Variants in SRSF3 observed in about 807,000 individuals in gnomAD.
SRSF3 encodes the protein serine and arginine rich splicing factor 3, also known as serine/arginine-rich splicing factor 3.
For missense variants in SRSF3, 58 were observed against 217.1 expected, an observed-to-expected ratio of 0.27 and a Z score of 4.61; for synonymous variants, 87 against 73.6, an observed-to-expected ratio of 1.18 and a Z score of -0.93.
chr6:36,597,051 G>C, intron 2 of SRSF3, 83 bp downstream of exon 2: 1 of 1,242,386 alleles, frequency 8.0e-7, no homozygotes, highest in Non-Finnish European at 1.2e-6. Flanking sequence ...CTCTTAGATG[G>C]CTTTCCCAAT....
chr6:36,595,854 C>G (rs1039447614), intron 1 of SRSF3, among the ~76,000 whole-genome samples: 1 of 152,190 alleles, frequency 6.6e-6, no homozygotes, highest in Non-Finnish European at 1.5e-5. Flanking sequence ...TCTGGTCTAT[C>G]TAATGACATT....
chr6:36,601,623 C>T (rs1042386623), intron 4 of SRSF3, 85 bp from the exon 5 acceptor site: 5 of 1,271,492 alleles, frequency 3.9e-6, no homozygotes, highest in African/African-American at 1.5e-5. Context: ...GAATTATTGG[C>T]ATGAGTCACC....
At chr6:36,601,656 A>T in intron 4 of SRSF3, 52 bp from the exon 5 acceptor site, 1 of 1,474,308 alleles carries the variant, frequency 6.8e-7, no homozygotes, top group Non-Finnish European at 9.3e-7. Context: ...GAAAATATTT[A>T]TGTATAATTT....
chr6:36,604,097 T>C lies in SRSF3; in HGVS notation c.*2108T>C, dbSNP rs367996522. On this transcript the variant is annotated 3_prime_UTR_variant, in exon 6 of 6. Coordinates refer to ENST00000373715, the MANE Select transcript of SRSF3 (RefSeq NM_003017.5). ...AAAAGCTTTGAATTGCACATTTAGA[T>C]TGTGGCTATTAGGAATTTTTAAAGT... 59 of 225,566 alleles carry C rather than the reference T, an allele frequency of 2.6e-4. No homozygotes were observed. In the South Asian group the frequency reaches 6.0e-3, roughly 23 times the overall value. 14.0% of individuals were successfully genotyped at this position (225,566 alleles called of 1,614,324 possible).
intron 3 of SRSF3, 82 bp from the exon 4 acceptor site, chr6:36,601,070 A>C: frequency 8.7e-7 from 1 of 1,155,836 alleles, no homozygotes; most frequent in Non-Finnish European, 1.2e-6. Flanking sequence ...TGGGCCCAAC[A>C]GTGAGATTGA....
intron 3 of SRSF3, 139 bp from the exon 4 acceptor site, chr6:36,601,013 T>C (rs1582513892): frequency 6.4e-6 from 2 of 312,994 alleles, no homozygotes; most frequent in Non-Finnish European, 1.1e-5. Flanking sequence ...TTTTTTTTTT[T>C]TTTTTTTTTT....
chr6:36,601,630 C>T, intron 4 of SRSF3, 78 bp from the exon 5 acceptor site: 3 of 1,324,832 alleles, frequency 2.3e-6, no homozygotes, highest in South Asian at 1.3e-5. Context: ...TGGCATGAGT[C>T]ACCATGCCAG....
At position 36,601,940 on chromosome 6, in the gene SRSF3, C is replaced by CTTTTTTTT. The variant is rs778276944; in HGVS notation, c.468-10_468-3dup. 1,443 of 1,430,506 alleles carry CTTTTTTTT rather than the reference C, an allele frequency of 1.0e-3. 8 individuals carry two copies. The highest frequency in any genetic ancestry group is 2.2e-3 in the Admixed American group (85 of 38,206). 88.6% of individuals were successfully genotyped at this position (1,430,506 alleles called of 1,614,324 possible). On this transcript the variant is annotated intron_variant, in intron 5 of 5. Transcript: ENST00000373715. Reference sequence around the variant, plus strand: ...AGTTACAGATGTAATGTTTTGTTTTCTTTTTTTTTTTTTTTTTTTAGTCGA... The same window carrying CTTTTTTTT: ...AGTTACAGATGTAATGTTTTGTTTTCTTTTTTTTTTTTTTTTTTTTTTTTTTTAGTCGA...
Position 36,603,448 on chromosome 6 carries a change from C to T in SRSF3, c.*1459C>T. 4.5e-6 allele frequency: 1 copy of T among 223,614 alleles called. No homozygotes were observed. The highest frequency in any genetic ancestry group is 8.9e-6 in the Non-Finnish European group (1 of 111,942). 13.9% of individuals were successfully genotyped at this position (223,614 alleles called of 1,614,324 possible). On this transcript the variant is annotated 3_prime_UTR_variant, in exon 6 of 6. Coordinates refer to ENST00000373715, the MANE Select transcript of SRSF3 (RefSeq NM_003017.5). Reference sequence around the variant, plus strand: ...TGCAACAGTCTTGTGGCTTAGTTTCCTTAAATATGCTCTTAAGATAGTTTT... The same window carrying T: ...TGCAACAGTCTTGTGGCTTAGTTTCTTTAAATATGCTCTTAAGATAGTTTT...
chr6:36,600,850 A>G (rs1270802254), intron 3 of SRSF3: 1 of 249,868 alleles, frequency 4.0e-6, no homozygotes, highest in Non-Finnish European at 7.5e-6. Flanking sequence ...GTGTTTGGGT[A>G]GTGAAGTTAG....
chr6:36,596,335 C>T (rs574896768), intron 1 of SRSF3, among the ~76,000 whole-genome samples: 1 of 152,186 alleles, frequency 6.6e-6, no homozygotes, highest in South Asian at 2.1e-4. Context: ...ACCTTAAGGA[C>T]TAGCTTTCTT....
chr6:36,603,086 T>G lies in SRSF3; in HGVS notation c.*1097T>G, dbSNP rs1778746752. 1 of 221,870 alleles carries G rather than the reference T, an allele frequency of 4.5e-6. No individual in the cohort carries two copies. The highest frequency in any genetic ancestry group is 9.0e-6 in the Non-Finnish European group (1 of 110,750). The allele number at this position is 221,870 out of a possible 1,614,324, so 13.7% of individuals were successfully genotyped here. A position where few individuals can be genotyped will look rare whatever the true frequency, so the allele number is the denominator to read the frequency against. On this transcript the variant is annotated 3_prime_UTR_variant, in exon 6 of 6. Coordinates refer to ENST00000373715, the MANE Select transcript of SRSF3 (RefSeq NM_003017.5). ...AGTGATAGTTAACCCATTTTTTTTT[T>G]TTTTAGGCATAGAAGCCAGTTCAGG...
At chr6:36,601,380 T>C (rs1778713435) in intron 4 of SRSF3, 190 bp downstream of exon 4, 1 of 638,116 alleles carries the variant, frequency 1.6e-6, no homozygotes, top group African/African-American at 1.8e-5. Context: ...TAAAAAAGGA[T>C]CTGTCACCCA....
chr6:36,596,954 A>G lies in SRSF3; in HGVS notation c.192A>G (p.Arg64=). ...EDPRDAADAV[R]ELDGRTLCGC... is the part of the protein sequence containing the mutation. Reference sequence around the variant, plus strand: ...CCCGAGATGCAGCTGATGCAGTCCGAGAGCTAGATGGAAGGTGATTTAATG... The same window carrying G: ...CCCGAGATGCAGCTGATGCAGTCCGGGAGCTAGATGGAAGGTGATTTAATG... Residue 64 remains arginine (R), a synonymous_variant, in exon 2 of 6, where the codon CGA becomes CGG. Coordinates refer to ENST00000373715, the MANE Select transcript of SRSF3 (RefSeq NM_003017.5). 1 of 1,613,980 alleles carries G rather than the reference A, an allele frequency of 6.2e-7. No homozygotes were observed. Among genetic ancestry groups the G allele is most frequent in the Non-Finnish European group, 8.5e-7 (1 of 1,179,944 alleles).
At chr6:36,601,060 TG>T in intron 3 of SRSF3, 91 bp from the exon 4 acceptor site, 2 of 613,934 alleles carry the variant, frequency 3.3e-6, no homozygotes, top group Non-Finnish European at 4.9e-6. Flanking sequence ...GCACATTCAC[TG>T]GGCCCAACAG....
At chr6:36,594,717 G>A in intron 1 of SRSF3, 1 of 152,056 alleles carries the variant, frequency 6.6e-6, no homozygotes, top group East Asian at 1.9e-4. Flanking sequence ...TGGGAGTTGG[G>A]AACCACAAAG....
chr6:36,598,712 G>A (rs1778671371), intron 2 of SRSF3, 137 bp from the exon 3 acceptor site: 1 of 1,041,800 alleles, frequency 9.6e-7, no homozygotes. Context: ...AAAAATAAGG[G>A]AGCTAGAAAT....
chr6:36,594,964 C>A (rs138569062), intron 1 of SRSF3, among the ~76,000 whole-genome samples: 1 of 152,156 alleles, frequency 6.6e-6, no homozygotes, highest in Non-Finnish European at 1.5e-5. Flanking sequence ...AAAGATCTTC[C>A]TTGAACTTAA....
chr6:36,603,710 C>T lies in SRSF3; in HGVS notation c.*1721C>T, dbSNP rs1778761233. The T allele has an allele frequency of 4.3e-6, 1 of 230,792 alleles. No homozygotes were observed. The highest frequency in any genetic ancestry group is 8.6e-6 in the Non-Finnish European group (1 of 116,594). 14.3% of individuals were successfully genotyped at this position (230,792 alleles called of 1,614,324 possible). A position where few individuals can be genotyped will look rare whatever the true frequency, so the allele number is the denominator to read the frequency against. On this transcript the variant is annotated 3_prime_UTR_variant, in exon 6 of 6. Coordinates refer to ENST00000373715, the MANE Select transcript of SRSF3 (RefSeq NM_003017.5). ...AGAGCTCTGGCATTGGGCATTTTGT[C>T]TTTAGTATTCTCACATAGCCTACAA...
Sources: gnomAD v4.1 joint callset for allele counts (sites outside exome capture counted in the v4.1 genomes callset) on GRCh38, gnomAD v4.1.1 for gene constraint, MANE v1.5 for transcripts, NCBI Gene and HGNC (gene_info 2026-07-23, HGNC 2026-07-21) for gene names.